The following CALCRL variants were observed in gnomAD, a reference collection of about 807,000 sequenced individuals.
CALCRL encodes the protein calcitonin gene-related peptide type 1 receptor.
A neutral mutation model predicts 60.4 loss-of-function variants in CALCRL; 27 were observed. That is an observed-to-expected ratio of 0.45 (90% CI 0.33 to 0.62). CALCRL has a LOEUF of 0.62. CALCRL is among the 20% of genes least tolerant of loss of function. The pLI, the probability that CALCRL is intolerant of heterozygous loss-of-function variation, is 0.03. For synonymous variants in CALCRL, 190 were observed against 182.6 expected (o/e 1.04, Z -0.33); for missense variants, 424 against 540.7 (o/e 0.78, Z 2.14).
chr2:187,413,816 T>A (rs1005772453), intron 1 of CALCRL, among the ~76,000 whole-genome samples: 1 of 152,144 alleles, frequency 6.6e-6, no homozygotes, highest in African/African-American at 2.4e-5. Flanking sequence ...TTATTTGGCA[T>A]TTGCAAAGAC....
intron 1 of CALCRL, among the ~76,000 whole-genome samples, chr2:187,445,910 T>C (rs1375882343): frequency 6.6e-6 from 1 of 151,552 alleles, no homozygotes; most frequent in Non-Finnish European, 1.5e-5. Context: ...CCCAGTATTA[T>C]TTTAAACAAT....
At chr2:187,356,359 A>G (rs1329451589) in intron 12 of CALCRL, among the ~76,000 whole-genome samples, 1 of 152,206 alleles carries the variant, frequency 6.6e-6, no homozygotes, top group Non-Finnish European at 1.5e-5. Context: ...CCACACTTCT[A>G]CAACCATCTG....
intron 1 of CALCRL, among the ~76,000 whole-genome samples, chr2:187,434,509 T>C (rs1444881140): frequency 3.3e-5 from 5 of 152,146 alleles, no homozygotes; most frequent in Non-Finnish European, 1.5e-5. Flanking sequence ...AGAAAAGATA[T>C]GACGCAATGG....
chr2:187,370,698 T>C (rs1217581173), intron 8 of CALCRL, among the ~76,000 whole-genome samples: 1 of 152,178 alleles, frequency 6.6e-6, no homozygotes, highest in Non-Finnish European at 1.5e-5. Context: ...GCAATGACCT[T>C]ATAGCAGACA....
chr2:187,413,702 C>G (rs759755436), intron 1 of CALCRL, among the ~76,000 whole-genome samples: 23 of 152,192 alleles, frequency 1.5e-4, no homozygotes, highest in Admixed American at 2.6e-4. Context: ...AGTACAAGGG[C>G]TGGCACACAA....
chr2:187,350,299 A>G (rs1031025818), intron 14 of CALCRL, among the ~76,000 whole-genome samples: 3 of 151,664 alleles, frequency 2.0e-5, no homozygotes, highest in Non-Finnish European at 4.4e-5. Context: ...TTTAATTATT[A>G]CATCCTATAC....
chr2:187,401,188 A>C (rs1688873713), intron 1 of CALCRL, among the ~76,000 whole-genome samples: 1 of 151,576 alleles, frequency 6.6e-6, no homozygotes, highest in Admixed American at 6.6e-5. Flanking sequence ...TGTTTTTAAA[A>C]AAGTAAATGC....
rs371222442 is a variant in CALCRL at position 187,346,284 on chromosome 2, C to T, written c.1286G>A (p.Gly429Asp). 6.2e-7 allele frequency: 1 copy of T among 1,612,036 alleles called. No homozygotes were observed. The highest frequency in any genetic ancestry group is 1.3e-5 in the African/African-American group (1 of 74,794). The change falls in exon 15 of 15, where the codon GGT becomes GAT. Residue 429 changes from glycine (G) to aspartate (D), a missense_variant. By Grantham distance (94) the Gly-to-Asp change is moderately conservative. This residue lies in a region of CALCRL where 222 missense variants were observed against 265.6 expected (regional missense o/e 0.84). Transcript: ENST00000392370. ...ASYTVSTISD[G>D]PGYSHDCPSE... The stretch of plus-strand genomic sequence containing the variant: ...AGGACAGTCATGACTATAACCTGGA[C>T]CATCACTGATTGTTGACACTGTGTA...
At chr2:187,383,686 C>A (rs1688081107) in intron 4 of CALCRL, among the ~76,000 whole-genome samples, 1 of 152,116 alleles carries the variant, frequency 6.6e-6, no homozygotes, top group South Asian at 2.1e-4. Flanking sequence ...TGTCTGTCCC[C>A]TCCCCCAAAG....
At chr2:187,425,393 T>C (rs1275232280) in intron 1 of CALCRL, among the ~76,000 whole-genome samples, 1 of 151,928 alleles carries the variant, frequency 6.6e-6, no homozygotes, top group Non-Finnish European at 1.5e-5. Context: ...TTATAATTTA[T>C]TATCCTTTTA....
chr2:187,376,696 T>C (rs1687769938), intron 8 of CALCRL, among the ~76,000 whole-genome samples: 1 of 152,152 alleles, frequency 6.6e-6, no homozygotes, highest in South Asian at 2.1e-4. Flanking sequence ...TTACTTATCT[T>C]TACTAAATTC....
At chr2:187,364,525 A>T (rs1036517314) in intron 8 of CALCRL, among the ~76,000 whole-genome samples, 1 of 152,080 alleles carries the variant, frequency 6.6e-6, no homozygotes, top group Admixed American at 6.5e-5. Context: ...CACCATATAT[A>T]ATTCAAGCCA....
In CALCRL at chr2:187,380,794, G is replaced by T; in HGVS notation, c.185-7C>A. ...GTTCTGTTGCAGTAAACGCCTTAGT[G>T]GGGAAATAATAATTGGGGATAATTA... On this transcript the variant is annotated splice_region_variant and splice_polypyrimidine_tract_variant and intron_variant, in intron 5 of 14. Coordinates refer to ENST00000392370, the MANE Select transcript of CALCRL (RefSeq NM_005795.6). 1 of 1,602,406 alleles carries T rather than the reference G, an allele frequency of 6.2e-7. No homozygotes were observed. The highest frequency in any genetic ancestry group is 8.5e-7 in the Non-Finnish European group (1 of 1,169,984).
intron 5 of CALCRL, 36 bp from the exon 6 acceptor site, chr2:187,380,823 C>A: frequency 6.7e-7 from 1 of 1,498,182 alleles, no homozygotes; most frequent in Non-Finnish European, 9.2e-7. Flanking sequence ...ATAATTAAAT[C>A]CTTCTACTTA....
chr2:187,430,207 GAAC>G (rs1438321514), intron 1 of CALCRL, among the ~76,000 whole-genome samples: 3 of 152,138 alleles, frequency 2.0e-5, no homozygotes, highest in Admixed American at 6.6e-5. Flanking sequence ...TGAAAGGACA[GAAC>G]AACAATGATG....
intron 10 of CALCRL, 78 bp downstream of exon 10, chr2:187,360,520 C>T: frequency 5.7e-6 from 7 of 1,234,678 alleles, no homozygotes; most frequent in Non-Finnish European, 7.9e-6. Flanking sequence ...TTGGTATATT[C>T]ATATTACAAA....
chr2:187,426,378 C>A (rs7601254), intron 1 of CALCRL, among the ~76,000 whole-genome samples: 77,018 of 151,380 alleles, frequency 0.51, 20,256 homozygotes, highest in East Asian at 0.66. Context: ...TTGAAAGAAT[C>A]CTGTCCAAAT....
chr2:187,444,618 A>C (rs1691084201), intron 1 of CALCRL, among the ~76,000 whole-genome samples: 1 of 151,538 alleles, frequency 6.6e-6, no homozygotes, highest in Admixed American at 6.6e-5. Context: ...GTTTTAGGAA[A>C]ATATTTGCAA....
intron 1 of CALCRL, among the ~76,000 whole-genome samples, chr2:187,394,332 A>C (rs1688576115): frequency 6.6e-6 from 1 of 152,098 alleles, no homozygotes; most frequent in African/African-American, 2.4e-5. Context: ...CCCTGCCATT[A>C]CTTTTATTTT....
Sources: allele counts gnomAD v4.1 joint callset (sites outside exome capture counted in the v4.1 genomes callset), GRCh38; gene constraint gnomAD v4.1.1; regional missense constraint gnomAD v4.1.1; transcripts MANE v1.5; gene names NCBI Gene and HGNC (gene_info 2026-07-23, HGNC 2026-07-21).